Variants in HSD11B1L observed in about 807,000 individuals in gnomAD.
The protein encoded by HSD11B1L is hydroxysteroid 11-beta-dehydrogenase 1-like protein.
HSD11B1L carries 22 observed loss-of-function variants against 27.0 expected under a neutral mutation model. That is an observed-to-expected ratio of 0.81 (90% CI 0.58 to 1.16). The LOEUF is 1.16. HSD11B1L is among the 50% of genes most tolerant of loss of function. The probability of loss-of-function intolerance (pLI) is 0.00; values close to 1 mark genes in which losing one functional copy is unlikely to be tolerated. For missense variants in HSD11B1L, 372 were observed against 401.8 expected (o/e 0.93, Z 0.63); for synonymous variants, 187 against 189.2 (o/e 0.99, Z 0.09).
At position 5,687,221 on chromosome 19, in the gene HSD11B1L, T is replaced by A. The variant is rs2145559110; in HGVS notation, c.409-61T>A. ...CGGCCCTGGCCCCGCCCTCTGGGTTTCTGGCCCCGCCCTGCCCCTGGGCTC... is the reference window on the plus strand; with the variant it reads ...CGGCCCTGGCCCCGCCCTCTGGGTTACTGGCCCCGCCCTGCCCCTGGGCTC... On this transcript the variant is annotated intron_variant, in intron 5 of 7. Coordinates refer to ENST00000339423, the MANE Select transcript of HSD11B1L (RefSeq NM_198706.3). The surrounding 1 kb of genome is among the most constrained non-coding windows in gnomAD (Gnocchi z 6.6). The A allele has an allele frequency of 6.4e-7, 1 of 1,558,030 alleles. No individual in the cohort carries two copies. The highest frequency in any genetic ancestry group is 1.1e-5 in the South Asian group (1 of 88,974).
Position 5,686,546 on chromosome 19 carries a change from AGCCTGGAGTCCGGG to A in HSD11B1L, c.316+20_316+33del. 6.4e-7 allele frequency: 1 copy of A among 1,551,984 alleles called. No homozygotes were observed. The highest frequency in any genetic ancestry group is 8.7e-7 in the Non-Finnish European group (1 of 1,144,224). ...AAGCTGGGTGAGGGGCTGGGCCTGA[AGCCTGGAGTCCGGG>A]ACCGTGGCCTAGGCCTTAGGGACAG... is the stretch of plus-strand genomic sequence containing the variant. On this transcript the variant is annotated intron_variant, in intron 4 of 7. Transcript: ENST00000339423.
rs2054648665 is a variant in HSD11B1L, at chr19:5,684,914, C to G, written c.73+9C>G. On this transcript the variant is annotated intron_variant, in intron 2 of 7. Coordinates refer to ENST00000339423, the MANE Select transcript of HSD11B1L (RefSeq NM_198706.3). ...TGACAACTTCGACCCAGGTGAGCAC[C>G]TGGGGTTGAGGGAGGGAGAAACCGG... 2 of 1,613,322 alleles carry G rather than the reference C, an allele frequency of 1.2e-6. No individual in the cohort carries two copies. The highest frequency in any genetic ancestry group is 1.7e-6 in the Non-Finnish European group (2 of 1,179,794).
At position 5,687,794 on chromosome 19, in the gene HSD11B1L, C is replaced by T. The variant is rs1278451607; in HGVS notation, c.710C>T (p.Ala237Val). Residue 237 changes from alanine (A) to valine (V), a missense_variant, in exon 8 of 8, where the codon GCC becomes GTC. Physicochemically the swap from Ala to Val is moderately conservative, Grantham distance 64 (BLOSUM62 0). Transcript: ENST00000339423. The surrounding 1 kb of genome is among the most constrained non-coding windows in gnomAD (Gnocchi z 6.6). ...AAGGCGGCCCCGGGGCCCAAGGCAG[C>T]CCTGGCCGTGATCCGCGGCGGCGCC... Reference protein sequence around the residue: ...RVKAAPGPKAALAVIRGGATR... With the variant: ...RVKAAPGPKAVLAVIRGGATR... 7 of 1,510,034 alleles carry T rather than the reference C, an allele frequency of 4.6e-6. No individual in the cohort carries two copies. Among genetic ancestry groups the T allele is most frequent in the Non-Finnish European group, 6.2e-6 (7 of 1,134,056 alleles). 93.5% of individuals were successfully genotyped at this position (1,510,034 alleles called of 1,614,324 possible).
chr19:5,687,435 C>A lies in HSD11B1L; in HGVS notation c.502+60C>A, dbSNP rs1411883210. On this transcript the variant is annotated intron_variant, in intron 6 of 7. Coordinates refer to ENST00000339423, the MANE Select transcript of HSD11B1L (RefSeq NM_198706.3). The surrounding 1 kb of genome is among the most constrained non-coding windows in gnomAD (Gnocchi z 6.6). Reference sequence around the variant, plus strand: ...GAGTGGGGAGCTCGATGCGGGTGAGCCTGGAGGGTCTGGGCAGGCTTCCCG... The same window carrying A: ...GAGTGGGGAGCTCGATGCGGGTGAGACTGGAGGGTCTGGGCAGGCTTCCCG... The A allele has an allele frequency of 1.9e-6, 3 of 1,598,382 alleles. No individual in the cohort carries two copies. In the Admixed American group the frequency reaches 5.1e-5, roughly 27 times the overall value.
chr19:5,687,684 G>T lies in HSD11B1L; in HGVS notation c.668+16G>T. 1.3e-6 allele frequency: 2 copies of T among 1,558,308 alleles called. No homozygotes were observed. ...AGGCAGTCAGGTGAGGCCCGGACAA[G>T]CTGGGGGCTGGGCTGGGGGCCATGG... On this transcript the variant is annotated intron_variant, in intron 7 of 7. Coordinates refer to ENST00000339423, the MANE Select transcript of HSD11B1L (RefSeq NM_198706.3). This position sits in a 1 kb window ranked among gnomAD's most constrained non-coding sequence, Gnocchi z 6.6.
At chr19:5,686,867 G>A in intron 4 of HSD11B1L, 33 bp from the exon 5 acceptor site, 1 of 1,502,786 alleles carries the variant, frequency 6.7e-7, no homozygotes, top group Non-Finnish European at 9.0e-7. Context: ...CTTGGGGAGG[G>A]GCCTCCGGGG....
Position 5,687,958 on chromosome 19 carries a change from GCCCCTCCAGT to G in HSD11B1L, c.*17_*26del. ...CGCGGCAGCCTGAGCACCGGGGGGT[GCCCCTCCAGT>G]CCCAGACGGCAATGTTCCTCCCTCC... On this transcript the variant is annotated 3_prime_UTR_variant, in exon 8 of 8. Transcript: ENST00000339423. The surrounding 1 kb of genome is among the most constrained non-coding windows in gnomAD (Gnocchi z 6.6). The G allele has an allele frequency of 6.4e-7, 1 of 1,557,772 alleles. No individual in the cohort carries two copies. Among genetic ancestry groups the G allele is most frequent in the Middle Eastern group, 1.7e-4 (1 of 6,002 alleles).
Position 5,687,717 on chromosome 19 carries a change from CCAGCCG to C in HSD11B1L, c.669-32_669-27del. The stretch of plus-strand genomic sequence containing the variant: ...CTGGGCTGGGGGCCATGGCCCAGCC[CCAGCCG>C]CAGTCCCCACCGTGCCCTCCTGTCC... On this transcript the variant is annotated intron_variant, in intron 7 of 7. Coordinates refer to ENST00000339423, the MANE Select transcript of HSD11B1L (RefSeq NM_198706.3). This position sits in a 1 kb window ranked among gnomAD's most constrained non-coding sequence, Gnocchi z 6.6. The C allele has an allele frequency of 1.3e-6, 2 of 1,510,116 alleles. No individual in the cohort carries two copies. The highest frequency in any genetic ancestry group is 1.8e-6 in the Non-Finnish European group (2 of 1,133,240). The allele number at this position is 1,510,116 out of a possible 1,614,324, so 93.5% of individuals were successfully genotyped here. A position where few individuals can be genotyped will look rare whatever the true frequency, so the allele number is the denominator to read the frequency against.
Position 5,687,073 on chromosome 19 carries a change from C to A in HSD11B1L, c.408+82C>A. On this transcript the variant is annotated intron_variant, in intron 5 of 7. Coordinates refer to ENST00000339423, the MANE Select transcript of HSD11B1L (RefSeq NM_198706.3). The surrounding 1 kb of genome is among the most constrained non-coding windows in gnomAD (Gnocchi z 6.6). Reference sequence around the variant, plus strand: ...GTTCCCTTCGCGGTCCGGGTTCTGCCTTCTCCAGGGAGGGCTCTCCACCCG... The same window carrying A: ...GTTCCCTTCGCGGTCCGGGTTCTGCATTCTCCAGGGAGGGCTCTCCACCCG... The A allele has an allele frequency of 7.6e-7, 1 of 1,314,312 alleles. No homozygotes were observed. Among genetic ancestry groups the A allele is most frequent in the Non-Finnish European group, 1.1e-6 (1 of 951,740 alleles). 81.4% of individuals were successfully genotyped at this position (1,314,312 alleles called of 1,614,324 possible).
chr19:5,688,358 G>A lies in HSD11B1L; in HGVS notation c.*413G>A. ...TCTGGGAGGAACCCCCCCAACTCCT[G>A]CCAGCTTCCCCTAGCTGGGGTCTCT... On this transcript the variant is annotated 3_prime_UTR_variant, in exon 8 of 8. Transcript: ENST00000339423. The A allele has an allele frequency of 3.0e-6, 2 of 661,228 alleles. No homozygotes were observed. The highest frequency in any genetic ancestry group is 5.1e-6 in the Non-Finnish European group (2 of 392,698). 41.0% of individuals were successfully genotyped at this position (661,228 alleles called of 1,614,324 possible). A position where few individuals can be genotyped will look rare whatever the true frequency, so the allele number is the denominator to read the frequency against.
At chr19:5,681,578 C>G (rs926243811) in intron 1 of HSD11B1L, among the ~76,000 whole-genome samples, 5 of 152,086 alleles carry the variant, frequency 3.3e-5, no homozygotes, top group African/African-American at 1.2e-4. Flanking sequence ...ATCCATCTGT[C>G]CACCCATCCA....
Position 5,687,483 on chromosome 19 carries a change from G to A in HSD11B1L, c.503-20G>A, listed in dbSNP as rs1347119432. ...CCGGACGAGGGGGAGCCACTCAGCC[G>A]CTGCCGTCCGCGCCCCCAGGCCGCG... On this transcript the variant is annotated intron_variant, in intron 6 of 7. Transcript: ENST00000339423. The surrounding 1 kb of genome is among the most constrained non-coding windows in gnomAD (Gnocchi z 6.6). The A allele has an allele frequency of 1.4e-5, 22 of 1,587,586 alleles. No individual in the cohort carries two copies. The highest frequency in any genetic ancestry group is 1.7e-5 in the Non-Finnish European group (20 of 1,172,208).
At position 5,687,729 on chromosome 19, in the gene HSD11B1L, C is replaced by G. The variant is rs967534714; in HGVS notation, c.669-24C>G. 6.7e-7 allele frequency: 1 copy of G among 1,496,108 alleles called. No homozygotes were observed. Among genetic ancestry groups the G allele is most frequent in the South Asian group, 1.3e-5 (1 of 76,452 alleles). 92.7% of individuals were successfully genotyped at this position (1,496,108 alleles called of 1,614,324 possible). A position where few individuals can be genotyped will look rare whatever the true frequency, so the allele number is the denominator to read the frequency against. On this transcript the variant is annotated intron_variant, in intron 7 of 7. Coordinates refer to ENST00000339423, the MANE Select transcript of HSD11B1L (RefSeq NM_198706.3). This position sits in a 1 kb window ranked among gnomAD's most constrained non-coding sequence, Gnocchi z 6.6. The stretch of plus-strand genomic sequence containing the variant: ...CCATGGCCCAGCCCCAGCCGCAGTC[C>G]CCACCGTGCCCTCCTGTCCCCAGGG...
intron 1 of HSD11B1L, among the ~76,000 whole-genome samples, chr19:5,682,857 G>A (rs2054593701): frequency 8.3e-6 from 1 of 119,854 alleles, no homozygotes; most frequent in Admixed American, 1.1e-4. Context: ...TCACTCTGTT[G>A]CCCAGGCTGG....
chr19:5,686,892 T>C lies in HSD11B1L; in HGVS notation c.317-8T>C, dbSNP rs757372612. 38 of 1,540,954 alleles carry C rather than the reference T, an allele frequency of 2.5e-5. No homozygotes were observed. The Admixed American group carries it at 7.7e-4, about 31-fold the overall frequency. On this transcript the variant is annotated splice_region_variant and splice_polypyrimidine_tract_variant and intron_variant, in intron 4 of 7. Coordinates refer to ENST00000339423, the MANE Select transcript of HSD11B1L (RefSeq NM_198706.3). ...GGCCTCCGGGGCTGACCGGCGTTTC[T>C]GGGCCAGGCGGGCTGGACTACCTCG... is the stretch of plus-strand genomic sequence containing the variant.
rs2145558329 is a variant in HSD11B1L, at chr19:5,687,060, G to A, written c.408+69G>A. ...GGACCGGTGGTCCGTTCCCTTCGCG[G>A]TCCGGGTTCTGCCTTCTCCAGGGAG... On this transcript the variant is annotated intron_variant, in intron 5 of 7. Transcript: ENST00000339423. The surrounding 1 kb of genome is among the most constrained non-coding windows in gnomAD (Gnocchi z 6.6). 1 of 1,390,772 alleles carries A rather than the reference G, an allele frequency of 7.2e-7. No homozygotes were observed. Among genetic ancestry groups the A allele is most frequent in the South Asian group, 1.3e-5 (1 of 79,320 alleles). The allele number at this position is 1,390,772 out of a possible 1,614,324, so 86.2% of individuals were successfully genotyped here. A position where few individuals can be genotyped will look rare whatever the true frequency, so the allele number is the denominator to read the frequency against.
At position 5,687,900 on chromosome 19, in the gene HSD11B1L, C is replaced by A; in HGVS notation, c.816C>A (p.Ala272=). 6.3e-7 allele frequency: 1 copy of A among 1,576,348 alleles called. No homozygotes were observed. Residue 272 remains alanine (A), a synonymous_variant, in exon 8 of 8, where the codon GCC becomes GCA. Coordinates refer to ENST00000339423, the MANE Select transcript of HSD11B1L (RefSeq NM_198706.3). The surrounding 1 kb of genome is among the most constrained non-coding windows in gnomAD (Gnocchi z 6.6). ...LLRRWLPRPR[A]WFIRQELNVT... ...GGCGCTGGCTACCGCGCCCGCGGGC[C>A]TGGTTTATCCGCCAGGAGCTCAACG...
Position 5,684,488 on chromosome 19 carries a change from T to G in HSD11B1L, c.-14-331T>G, listed in dbSNP as rs563362475. 6 of 456,898 alleles carry G rather than the reference T, an allele frequency of 1.3e-5. 1 individual carries two copies. Among genetic ancestry groups the G allele is most frequent in the South Asian group, 1.2e-4 (3 of 25,200 alleles). The allele number at this position is 456,898 out of a possible 1,614,324, so 28.3% of individuals were successfully genotyped here. ...AAGGGTCTGTTTTAGTGGAGCGGAG[T>G]GAGCAAGGAGGACAGGTCCACACAG... is the stretch of plus-strand genomic sequence containing the variant. On this transcript the variant is annotated intron_variant, in intron 1 of 7. Transcript: ENST00000339423.
chr19:5,684,108 T>C, intron 1 of HSD11B1L: 1 of 448,920 alleles, frequency 2.2e-6, no homozygotes, highest in Non-Finnish European at 4.0e-6. Context: ...CCCAAATATC[T>C]GGATTACAGG....
Sources: allele counts gnomAD v4.1 joint callset (sites outside exome capture counted in the v4.1 genomes callset), GRCh38; gene constraint gnomAD v4.1.1; non-coding constraint Gnocchi (gnomAD v3.1); transcripts MANE v1.5; gene names NCBI Gene and HGNC (gene_info 2026-07-23, HGNC 2026-07-21).